Variants in ZMYND8 observed in about 807,000 individuals in gnomAD.
ZMYND8 encodes MYND-type zinc finger-containing chromatin reader ZMYND8.
ZMYND8 carries 37 observed loss-of-function variants against 140.8 expected under a neutral mutation model. The observed-to-expected ratio is 0.26, with a 90% CI of 0.20 to 0.35. ZMYND8 has a LOEUF of 0.35. Ranked by LOEUF, ZMYND8 falls within the 10% of genes least tolerant of loss-of-function variation. The pLI is 1.00. For synonymous variants in ZMYND8, 592 were observed against 597.1 expected, an observed-to-expected ratio of 0.99 and a Z score of 0.12; for missense variants, 1,068 against 1,570.0, an observed-to-expected ratio of 0.68 and a Z score of 5.40.
chr20:47,326,015 T>C (rs2080382973), intron 2 of ZMYND8, among the ~76,000 whole-genome samples: 1 of 152,162 alleles, frequency 6.6e-6, no homozygotes, highest in Admixed American at 6.5e-5. Flanking sequence ...TGGAGTGCAA[T>C]GGTGCAGTCT....
intron 11 of ZMYND8, among the ~76,000 whole-genome samples, chr20:47,272,690 G>A (rs2076031403): frequency 6.6e-6 from 1 of 152,154 alleles, no homozygotes. Context: ...CCAGTTCTAA[G>A]GATTATAGGC....
chr20:47,347,738 C>A, intron 2 of ZMYND8, 118 bp downstream of exon 2: 1 of 968,604 alleles, frequency 1.0e-6, no homozygotes, highest in Non-Finnish European at 1.6e-6. Flanking sequence ...ATCTGAAAAT[C>A]CAAGAAGAGT....
rs115745688 is a variant in ZMYND8 at position 47,325,420 on chromosome 20, G to A, written c.86-15216C>T. 4.9e-3 allele frequency among the ~76,000 whole-genome samples: 744 copies of A among 152,228 alleles called. 7 individuals carry two copies. Among genetic ancestry groups the A allele is most frequent in the African/African-American group, 0.017 (715 of 41,532 alleles). ...AGGGTTAACAAAGCCCTGTACAGGTGGGCCAGCCAACCTGACTCAGCAAAC... is the reference window on the plus strand; with the variant it reads ...AGGGTTAACAAAGCCCTGTACAGGTAGGCCAGCCAACCTGACTCAGCAAAC... On this transcript the variant is annotated intron_variant, in intron 2 of 22. Coordinates refer to ENST00000471951, the MANE Select transcript of ZMYND8 (RefSeq NM_001281775.3).
chr20:47,262,493 G>A, intron 11 of ZMYND8, 65 bp from the exon 12 acceptor site: 1 of 1,592,368 alleles, frequency 6.3e-7, no homozygotes, highest in Non-Finnish European at 8.6e-7. Context: ...TGTAGGTGTG[G>A]TGTAGGGAGA....
At chr20:47,285,934 T>G in intron 8 of ZMYND8, 1 of 731,254 alleles carries the variant, frequency 1.4e-6, no homozygotes, top group Non-Finnish European at 1.7e-6. Context: ...CTGAGGCCTA[T>G]ATTCCCAGCG....
chr20:47,338,495 G>A (rs2081565398), intron 2 of ZMYND8, among the ~76,000 whole-genome samples: 1 of 151,974 alleles, frequency 6.6e-6, no homozygotes, highest in Admixed American at 6.6e-5. Context: ...CACTGGGACT[G>A]AACAAGAGAT....
At chr20:47,256,389 G>A (rs1482050758) in intron 12 of ZMYND8, among the ~76,000 whole-genome samples, 14 of 152,174 alleles carry the variant, frequency 9.2e-5, no homozygotes, top group Non-Finnish European at 2.1e-4. Context: ...GGAGGCCGAG[G>A]CGAGTGGATC....
intron 10 of ZMYND8, among the ~76,000 whole-genome samples, chr20:47,279,531 T>C (rs1487644618): frequency 2.6e-5 from 4 of 152,056 alleles, no homozygotes; most frequent in African/African-American, 9.7e-5. Context: ...AGGAAGTATT[T>C]CAAGCGAAAT....
intron 2 of ZMYND8, among the ~76,000 whole-genome samples, chr20:47,333,351 C>A (rs1044528327): frequency 1.9e-4 from 29 of 151,592 alleles, no homozygotes; most frequent in African/African-American, 6.8e-4. Flanking sequence ...GTAAGGCAGG[C>A]AGCACTTTGA....
chr20:47,293,172 GAGGGAGGGAGGGAGGC>G (rs1256705687), intron 5 of ZMYND8, among the ~76,000 whole-genome samples: 177 of 45,262 alleles, frequency 3.9e-3, no homozygotes, highest in Non-Finnish European at 5.3e-3. Context: ...GGGAGGGAGG[GAGGGAGGGAGGGAGGC>G]AGGCAGGCAG....
At chr20:47,281,318 ACT>A (rs535757541) in intron 10 of ZMYND8, among the ~76,000 whole-genome samples, 30 of 152,122 alleles carry the variant, frequency 2.0e-4, no homozygotes, top group African/African-American at 6.0e-4. Flanking sequence ...GCTTCTGGAC[ACT>A]CTGTGTGTGT....
intron 7 of ZMYND8, among the ~76,000 whole-genome samples, chr20:47,288,159 AC>A (rs1374839772): frequency 6.6e-6 from 1 of 151,970 alleles, no homozygotes; most frequent in African/African-American, 2.4e-5. Flanking sequence ...TGCCTTGAAA[AC>A]TCAGAAGATC....
chr20:47,227,186 AGT>A lies in ZMYND8; in HGVS notation c.3016+15_3016+16del. On this transcript the variant is annotated intron_variant, in intron 18 of 22. Coordinates refer to ENST00000471951, the MANE Select transcript of ZMYND8 (RefSeq NM_001281775.3). ...CCCAAAACCCTCCTCAGTCCAGACC[AGT>A]GTGTCAGGCCTTACCTAAGTTGTGT... 1 of 1,614,018 alleles carries A rather than the reference AGT, an allele frequency of 6.2e-7. No individual in the cohort carries two copies. Among genetic ancestry groups the A allele is most frequent in the Non-Finnish European group, 8.5e-7 (1 of 1,179,854 alleles).
chr20:47,296,195 C>T (rs2077625214), intron 4 of ZMYND8, among the ~76,000 whole-genome samples: 1 of 152,182 alleles, frequency 6.6e-6, no homozygotes, highest in African/African-American at 2.4e-5. Context: ...TGGTTTGTTT[C>T]CAGGTAACTT....
At chr20:47,349,583 T>C (rs1290423562) in intron 1 of ZMYND8, among the ~76,000 whole-genome samples, 1 of 152,278 alleles carries the variant, frequency 6.6e-6, no homozygotes, top group African/African-American at 2.4e-5. Context: ...TGTTGATGGG[T>C]TCTGGCTTGG....
chr20:47,294,395 A>C (rs1328652833), intron 5 of ZMYND8, among the ~76,000 whole-genome samples: 1 of 150,956 alleles, frequency 6.6e-6, no homozygotes, highest in Non-Finnish European at 1.5e-5. Flanking sequence ...TCTTTTCTTC[A>C]TAAATTACTC....
chr20:47,326,188 G>C (rs1187003832), intron 2 of ZMYND8, among the ~76,000 whole-genome samples: 1 of 152,174 alleles, frequency 6.6e-6, no homozygotes, highest in Non-Finnish European at 1.5e-5. Context: ...TTGAACTCCT[G>C]ACCTCGTGAT....
chr20:47,342,376 C>T (rs2081966118), intron 2 of ZMYND8, among the ~76,000 whole-genome samples: 1 of 147,448 alleles, frequency 6.8e-6, no homozygotes, highest in Admixed American at 6.8e-5. Flanking sequence ...GAAACCCTGC[C>T]TCTACTAAAA....
At chr20:47,259,871 C>A (rs1443406647) in intron 12 of ZMYND8, among the ~76,000 whole-genome samples, 2 of 152,148 alleles carry the variant, frequency 1.3e-5, no homozygotes, top group Non-Finnish European at 2.9e-5. Context: ...ATTTCAAGAA[C>A]TACCACTCTA....
Sources: gnomAD v4.1 joint callset for allele counts (sites outside exome capture counted in the v4.1 genomes callset) on GRCh38, gnomAD v4.1.1 for gene constraint, MANE v1.5 for transcripts, NCBI Gene and HGNC (gene_info 2026-07-23, HGNC 2026-07-21) for gene names.